Variants in PLXDC2 observed in about 807,000 individuals in gnomAD.
PLXDC2 encodes plexin domain containing 2, also known as plexin domain-containing protein 2.
PLXDC2 carries 40 observed loss-of-function variants against 68.9 expected under a neutral mutation model. The observed-to-expected ratio is 0.58, with a 90% CI of 0.45 to 0.76. PLXDC2 has a LOEUF of 0.76. Ranked by LOEUF, PLXDC2 falls within the 30% of genes least tolerant of loss-of-function variation. The probability of loss-of-function intolerance (pLI) is 0.00; values close to 1 mark genes in which losing one functional copy is unlikely to be tolerated. For synonymous variants in PLXDC2, 243 were observed against 234.2 expected (o/e 1.04, Z -0.34); for missense variants, 644 against 661.9 (o/e 0.97, Z 0.30).
chr10:20,073,856 A>G (rs1423459036), intron 4 of PLXDC2, among the ~76,000 whole-genome samples: 1 of 152,024 alleles, frequency 6.6e-6, no homozygotes, highest in East Asian at 1.9e-4. Flanking sequence ...GATCTTTTAA[A>G]TGTTCAAAAA....
intron 2 of PLXDC2, among the ~76,000 whole-genome samples, chr10:20,029,482 C>A (rs2131665959): frequency 6.6e-6 from 1 of 152,150 alleles, no homozygotes; most frequent in Non-Finnish European, 1.5e-5. Context: ...CCATATATTT[C>A]TTTTTCTTGG....
At position 20,288,425 on chromosome 10, in the gene PLXDC2, G is replaced by A. The variant is rs1440989903; in HGVS notation, c.*8606G>A. On this transcript the variant is annotated 3_prime_UTR_variant, in exon 14 of 14. Transcript: ENST00000377252. ...CTAAAATAACCAGCCCATACTTCTC[G>A]GTGACCTTCTGTTGAACGTACCTGA... The A allele has an allele frequency of 1.3e-5, 2 of 151,776 alleles. No individual in the cohort carries two copies. Among genetic ancestry groups the A allele is most frequent in the Admixed American group, 6.6e-5 (1 of 15,228 alleles). 9.4% of individuals were successfully genotyped at this position (151,776 alleles called of 1,614,324 possible). A position where few individuals can be genotyped will look rare whatever the true frequency, so the allele number is the denominator to read the frequency against.
intron 13 of PLXDC2, among the ~76,000 whole-genome samples, chr10:20,277,899 T>G (rs897076798): frequency 2.0e-5 from 3 of 152,146 alleles, no homozygotes; most frequent in African/African-American, 7.2e-5. Flanking sequence ...TGAGTTTAAT[T>G]GTTTTGATTC....
At position 20,279,896 on chromosome 10, in the gene PLXDC2, A is replaced by G. The variant is rs1836059117; in HGVS notation, c.*77A>G. 10 of 1,020,718 alleles carry G rather than the reference A, an allele frequency of 9.8e-6. No homozygotes were observed. The East Asian group carries it at 2.4e-4, about 24-fold the overall frequency. The allele number at this position is 1,020,718 out of a possible 1,614,324, so 63.2% of individuals were successfully genotyped here. On this transcript the variant is annotated 3_prime_UTR_variant, in exon 14 of 14. Coordinates refer to ENST00000377252, the MANE Select transcript of PLXDC2 (RefSeq NM_032812.9). The stretch of plus-strand genomic sequence containing the variant: ...AATTTTGCCTATACCTTTAAGACAA[A>G]CAAACAAACACACACACAAACAAGC...
intron 13 of PLXDC2, among the ~76,000 whole-genome samples, chr10:20,260,783 A>G (rs1835799886): frequency 6.6e-6 from 1 of 152,152 alleles, no homozygotes; most frequent in South Asian, 2.1e-4. Flanking sequence ...CGTTTTCCAT[A>G]ACAGCTGTAC....
chr10:19,859,592 C>T (rs911129231), intron 1 of PLXDC2, among the ~76,000 whole-genome samples: 2 of 152,082 alleles, frequency 1.3e-5, no homozygotes, highest in Non-Finnish European at 2.9e-5. Flanking sequence ...GACCTGGGGA[C>T]CTATCCCCAT....
intron 4 of PLXDC2, among the ~76,000 whole-genome samples, chr10:20,086,042 G>T (rs185138351): frequency 2.1e-4 from 32 of 152,282 alleles, no homozygotes; most frequent in African/African-American, 6.7e-4. Flanking sequence ...CTGCAAAGCA[G>T]GATATTGTTC....
chr10:19,827,362 T>C (rs1836591926), intron 1 of PLXDC2, among the ~76,000 whole-genome samples: 1 of 152,182 alleles, frequency 6.6e-6, no homozygotes, highest in Admixed American at 6.5e-5. Context: ...GTTCTTTCCT[T>C]TTCCAGAGCC....
At chr10:19,858,146 A>G (rs58638469) in intron 1 of PLXDC2, among the ~76,000 whole-genome samples, 29 of 152,308 alleles carry the variant, frequency 1.9e-4, no homozygotes, top group African/African-American at 6.7e-4. Context: ...ATGAATAGCA[A>G]GAACAGTTTA....
At chr10:19,873,762 T>G (rs1837585640) in intron 1 of PLXDC2, among the ~76,000 whole-genome samples, 1 of 152,210 alleles carries the variant, frequency 6.6e-6, no homozygotes, top group South Asian at 2.1e-4. Flanking sequence ...TCCATTTCAT[T>G]TATTTGGTAT....
intron 2 of PLXDC2, among the ~76,000 whole-genome samples, chr10:20,033,389 A>G (rs941142972): frequency 5.3e-5 from 8 of 152,118 alleles, no homozygotes; most frequent in African/African-American, 1.7e-4. Context: ...AAACACAGAA[A>G]GTAAGTGACC....
chr10:19,862,122 G>T (rs1020297909), intron 1 of PLXDC2, among the ~76,000 whole-genome samples: 2 of 152,218 alleles, frequency 1.3e-5, no homozygotes, highest in South Asian at 2.1e-4. Flanking sequence ...TATATCAAAA[G>T]AATATAATAA....
At chr10:20,177,201 G>T (rs1330445084) in intron 8 of PLXDC2, 107 bp downstream of exon 8, 4 of 1,337,972 alleles carry the variant, frequency 3.0e-6, no homozygotes, top group Non-Finnish European at 4.3e-6. Flanking sequence ...TTATAATTGT[G>T]TTTGGCATGC....
intron 13 of PLXDC2, among the ~76,000 whole-genome samples, chr10:20,259,106 C>T (rs1835779715): frequency 6.6e-6 from 1 of 151,986 alleles, no homozygotes; most frequent in Admixed American, 6.6e-5. Context: ...AGCTTCTTAC[C>T]ATGATTCTTT....
chr10:20,048,600 G>T (rs373073952), intron 3 of PLXDC2, among the ~76,000 whole-genome samples: 18 of 152,210 alleles, frequency 1.2e-4, no homozygotes, highest in African/African-American at 3.4e-4. Context: ...TTGAATGTTG[G>T]TGTATGCACA....
At chr10:19,958,659 A>G (rs1359809539) in intron 1 of PLXDC2, among the ~76,000 whole-genome samples, 1 of 152,180 alleles carries the variant, frequency 6.6e-6, no homozygotes, top group Non-Finnish European at 1.5e-5. Flanking sequence ...AGTTACTTCC[A>G]AAGCTATCTG....
chr10:20,165,815 A>T (rs1193326616), intron 7 of PLXDC2, among the ~76,000 whole-genome samples: 5 of 152,180 alleles, frequency 3.3e-5, no homozygotes, highest in Non-Finnish European at 7.3e-5. Flanking sequence ...GTTATATTAG[A>T]AACCAAAATG....
intron 4 of PLXDC2, among the ~76,000 whole-genome samples, chr10:20,106,087 C>G (rs552106370): frequency 6.6e-6 from 1 of 152,296 alleles, no homozygotes; most frequent in East Asian, 1.9e-4. Flanking sequence ...AGTCACACAG[C>G]TATGTAAGGA....
chr10:20,039,101 C>T (rs993803513), intron 2 of PLXDC2, among the ~76,000 whole-genome samples: 2 of 152,156 alleles, frequency 1.3e-5, no homozygotes, highest in Non-Finnish European at 2.9e-5. Context: ...ATCAGTTCAC[C>T]TGTCTGCAAG....
Sources: allele counts gnomAD v4.1 joint callset (sites outside exome capture counted in the v4.1 genomes callset), GRCh38; gene constraint gnomAD v4.1.1; transcripts MANE v1.5; gene names NCBI Gene and HGNC (gene_info 2026-07-23, HGNC 2026-07-21).